ALPK1: variants seen among roughly 807,000 people sequenced by gnomAD.
ALPK1 encodes the protein alpha kinase 1, also known as alpha-protein kinase 1.
ALPK1 carries 110 observed loss-of-function variants against 120.6 expected under a neutral mutation model. The ratio of observed to expected loss-of-function variants is 0.91; its 90% CI spans 0.78 to 1.07. ALPK1 has a LOEUF of 1.07. Among genes scored for constraint, ALPK1 ranks in the 50% least tolerant of loss-of-function variants. The probability of loss-of-function intolerance (pLI) is 0.00; values close to 1 mark genes in which losing one functional copy is unlikely to be tolerated. For missense variants in ALPK1, 1,498 were observed against 1,483.9 expected (o/e 1.01, Z -0.16); for synonymous variants, 582 against 560.3 (o/e 1.04, Z -0.55).
intron 4 of ALPK1, among the ~76,000 whole-genome samples, chr4:112,403,661 G>A (rs538765339): frequency 6.6e-6 from 1 of 152,282 alleles, no homozygotes; most frequent in African/African-American, 2.4e-5. Context: ...AAACACTTTA[G>A]AAATGAATTC....
chr4:112,428,332 C>A (rs1281304218), intron 9 of ALPK1, among the ~76,000 whole-genome samples: 3 of 152,194 alleles, frequency 2.0e-5, no homozygotes, highest in Non-Finnish European at 4.4e-5. Context: ...TCACACTGTG[C>A]TTAAATGGAG....
At chr4:112,347,324 G>A (rs147510175) in intron 2 of ALPK1, among the ~76,000 whole-genome samples, 1 of 152,192 alleles carries the variant, frequency 6.6e-6, no homozygotes, top group African/African-American at 2.4e-5. Flanking sequence ...ATCTTAATGA[G>A]TTGCTATTTG....
chr4:112,322,130 A>C (rs559212416), intron 2 of ALPK1, among the ~76,000 whole-genome samples: 2 of 152,374 alleles, frequency 1.3e-5, no homozygotes, highest in East Asian at 3.9e-4. Context: ...TATGGGCCAG[A>C]AGCTTTGACA....
chr4:112,297,851 T>C (rs1007149993), intron 1 of ALPK1, among the ~76,000 whole-genome samples: 1 of 151,416 alleles, frequency 6.6e-6, no homozygotes, highest in Non-Finnish European at 1.5e-5. Flanking sequence ...ATTATTTGTT[T>C]AAAAAAAAAC....
At chr4:112,432,724 C>G in intron 11 of ALPK1, 143 bp downstream of exon 11, 1 of 777,708 alleles carries the variant, frequency 1.3e-6, no homozygotes, top group Non-Finnish European at 2.0e-6. Flanking sequence ...GAAATGTATA[C>G]TTCAGGGGTC....
At chr4:112,353,382 C>T (rs752580113) in intron 2 of ALPK1, among the ~76,000 whole-genome samples, 5 of 152,020 alleles carry the variant, frequency 3.3e-5, no homozygotes, top group Non-Finnish European at 7.4e-5. Context: ...TATACATAGC[C>T]CCTAGACACA....
At chr4:112,429,446 A>G (rs1380532290) in intron 10 of ALPK1, among the ~76,000 whole-genome samples, 193 bp downstream of exon 10, 1 of 152,228 alleles carries the variant, frequency 6.6e-6, no homozygotes, top group African/African-American at 2.4e-5. Context: ...CTAGGAGCTA[A>G]ATTAATTCAG....
At chr4:112,349,288 G>T (rs997924738) in intron 2 of ALPK1, among the ~76,000 whole-genome samples, 1 of 152,116 alleles carries the variant, frequency 6.6e-6, no homozygotes, top group African/African-American at 2.4e-5. Flanking sequence ...TGAAGACTTT[G>T]CATAGTCAAG....
At chr4:112,309,632 A>C (rs926882796) in intron 1 of ALPK1, among the ~76,000 whole-genome samples, 1 of 152,008 alleles carries the variant, frequency 6.6e-6, no homozygotes, top group African/African-American at 2.4e-5. Context: ...TCACGCTGGG[A>C]GCTGTAGACT....
chr4:112,414,448 A>C, intron 5 of ALPK1: 1 of 369,950 alleles, frequency 2.7e-6, no homozygotes. Context: ...CTCTACTGAA[A>C]ACTACAAAAA....
chr4:112,368,995 T>C (rs1401438239), intron 2 of ALPK1, among the ~76,000 whole-genome samples: 1 of 142,910 alleles, frequency 7.0e-6, no homozygotes, highest in Non-Finnish European at 1.5e-5. Context: ...CTAGCTTCTA[T>C]ATTGCAGGTA....
intron 2 of ALPK1, among the ~76,000 whole-genome samples, chr4:112,351,537 G>T (rs1027144955): frequency 2.6e-5 from 4 of 150,978 alleles, no homozygotes; most frequent in Non-Finnish European, 5.9e-5. Context: ...GCAGTGGCAC[G>T]ATCTCGGCTC....
At chr4:112,374,177 CA>C (rs1731546736) in intron 2 of ALPK1, among the ~76,000 whole-genome samples, 1 of 152,322 alleles carries the variant, frequency 6.6e-6, no homozygotes, top group African/African-American at 2.4e-5. Context: ...GCTGCTTTAC[CA>C]ACTAAGTTTA....
chr4:112,355,420 A>G (rs6533608), intron 2 of ALPK1, among the ~76,000 whole-genome samples: 112,314 of 151,774 alleles, frequency 0.74, 41,928 homozygotes, highest in Middle Eastern at 0.84. Context: ...GGAGAGGAAG[A>G]AGGAGGAGGT....
Position 112,430,939 on chromosome 4 carries a change from T to G in ALPK1, c.1392T>G (p.Thr464=). ...TTGACACCTATTCACAGCACCATACTTCGGTGTGTGAAGTATTTGAAAGTG... is the reference window on the plus strand; with the variant it reads ...TTGACACCTATTCACAGCACCATACGTCGGTGTGTGAAGTATTTGAAAGTG... ...KILDTYSQHH[T]SVCEVFESDC... Residue 464 remains threonine (T), a synonymous_variant, in exon 11 of 16, where the codon ACT becomes ACG. Transcript: ENST00000650871. 6.2e-7 allele frequency: 1 copy of G among 1,614,136 alleles called. No individual in the cohort carries two copies. The highest frequency in any genetic ancestry group is 1.1e-5 in the South Asian group (1 of 91,080).
chr4:112,332,222 T>G (rs1256342097), intron 2 of ALPK1, among the ~76,000 whole-genome samples: 3 of 152,202 alleles, frequency 2.0e-5, no homozygotes, highest in Non-Finnish European at 2.9e-5. Context: ...GCCTATGGTT[T>G]ATCAATAAGG....
chr4:112,427,543 T>C (rs370712989), intron 8 of ALPK1, 27 bp from the exon 9 acceptor site: 69 of 1,560,514 alleles, frequency 4.4e-5, no homozygotes, highest in Non-Finnish European at 5.4e-5. Context: ...ATTCCCGATC[T>C]GTGACTTCTT....
chr4:112,373,762 G>A (rs1161260763), intron 2 of ALPK1, among the ~76,000 whole-genome samples: 1 of 152,104 alleles, frequency 6.6e-6, no homozygotes, highest in Non-Finnish European at 1.5e-5. Flanking sequence ...TTACATGAAT[G>A]TTTTTGTTTC....
chr4:112,413,792 T>G (rs1433592817), intron 5 of ALPK1, among the ~76,000 whole-genome samples: 2 of 152,202 alleles, frequency 1.3e-5, no homozygotes, highest in Non-Finnish European at 2.9e-5. Context: ...CCAGGTGGTA[T>G]AGCAGTTTTC....
Sources: allele counts gnomAD v4.1 joint callset (sites outside exome capture counted in the v4.1 genomes callset), GRCh38; gene constraint gnomAD v4.1.1; transcripts MANE v1.5; gene names NCBI Gene and HGNC (gene_info 2026-07-23, HGNC 2026-07-21).